The following RELN variants were observed in gnomAD, a reference collection of about 807,000 sequenced individuals.
The protein encoded by RELN is reelin.
In RELN, 108 loss-of-function variants were observed where a neutral mutation model predicts 427.6. The observed-to-expected ratio is 0.25, with a 90% confidence interval of 0.22 to 0.30. RELN has a LOEUF of 0.30. Ranked by LOEUF, RELN falls within the 10% of genes least tolerant of loss-of-function variation. The pLI, the probability that RELN is intolerant of heterozygous loss-of-function variation, is 1.00. For synonymous variants in RELN, 1,524 were observed against 1,513.4 expected (o/e 1.01, Z -0.16); for missense variants, 3,715 against 4,302.8 (o/e 0.86, Z 3.82).
intron 49 of RELN, among the ~76,000 whole-genome samples, chr7:103,518,846 A>G (rs1028486145): frequency 8.6e-5 from 13 of 152,030 alleles, no homozygotes; most frequent in Admixed American, 2.6e-4. Flanking sequence ...ACTTTTTTTA[A>G]AATGACCCAT....
intron 3 of RELN, among the ~76,000 whole-genome samples, chr7:103,784,449 C>T (rs775392210): frequency 7.9e-5 from 12 of 152,192 alleles, no homozygotes; most frequent in South Asian, 2.1e-4. Context: ...ATCCACATTT[C>T]GAAAACTGAA....
chr7:103,742,731 C>T (rs146738257), intron 6 of RELN, among the ~76,000 whole-genome samples: 1,787 of 152,126 alleles, frequency 0.012, 12 homozygotes, highest in Non-Finnish European at 0.017. Flanking sequence ...TAAAAAGAAA[C>T]GAACAAATCC....
At chr7:103,479,276 G>A (rs1244576868) in intron 63 of RELN, among the ~76,000 whole-genome samples, 5 of 152,158 alleles carry the variant, frequency 3.3e-5, no homozygotes, top group Non-Finnish European at 5.9e-5. Context: ...CACCAGCATG[G>A]ATCTTGTGAG....
intron 1 of RELN, among the ~76,000 whole-genome samples, chr7:103,963,083 C>T (rs6950391): frequency 0.53 from 78,992 of 150,452 alleles, 20,949 homozygotes; most frequent in African/African-American, 0.6. Flanking sequence ...TGGAAAGCCT[C>T]GAAACCAGGC....
At chr7:103,481,383 T>C (rs1321055176) in intron 63 of RELN, among the ~76,000 whole-genome samples, 1 of 152,200 alleles carries the variant, frequency 6.6e-6, no homozygotes, top group African/African-American at 2.4e-5. Context: ...AGGAGTTTGG[T>C]AATGCTTTGT....
intron 1 of RELN, among the ~76,000 whole-genome samples, chr7:103,943,310 G>C (rs1387199632): frequency 6.6e-6 from 1 of 152,102 alleles, no homozygotes; most frequent in Non-Finnish European, 1.5e-5. Flanking sequence ...GCTGCCCTGA[G>C]CCGGAAACAC....
intron 20 of RELN, among the ~76,000 whole-genome samples, chr7:103,612,852 C>T (rs1831992795): frequency 6.6e-6 from 1 of 152,066 alleles, no homozygotes; most frequent in Admixed American, 6.6e-5. Flanking sequence ...TGCTCAGGAG[C>T]TTGTAATTTA....
chr7:103,833,669 A>G lies in RELN; in HGVS notation c.341T>C (p.Ile114Thr), dbSNP rs1793329290. ...IGGSSAFGFG[I>T]MSDHQFGNQF... Reference sequence around the variant, plus strand: ...GTTACCAAACTGGTGGTCAGACATGATCCCTAAGAGAAAGGAAGGAGAGTT... The same window carrying G: ...GTTACCAAACTGGTGGTCAGACATGGTCCCTAAGAGAAAGGAAGGAGAGTT... The change falls in exon 3 of 65, where the codon ATC becomes ACC. Residue 114 changes from isoleucine (I) to threonine (T), a missense_variant. By Grantham distance (89) the Ile-to-Thr change is moderately conservative (BLOSUM62 -1). Transcript: ENST00000428762. 1 of 1,613,412 alleles carries G rather than the reference A, an allele frequency of 6.2e-7. No homozygotes were observed. Among genetic ancestry groups the G allele is most frequent in the Non-Finnish European group, 8.5e-7 (1 of 1,179,638 alleles).
At chr7:103,546,042 C>G (rs1314449021) in intron 41 of RELN, among the ~76,000 whole-genome samples, 1 of 152,332 alleles carries the variant, frequency 6.6e-6, no homozygotes, top group Non-Finnish European at 1.5e-5. Flanking sequence ...GTGTACACAT[C>G]AGTGGCATTT....
chr7:103,787,603 A>C (rs982455966), intron 3 of RELN, among the ~76,000 whole-genome samples: 1 of 152,028 alleles, frequency 6.6e-6, no homozygotes. Flanking sequence ...ATAAATTCCT[A>C]GACACATACA....
intron 40 of RELN, among the ~76,000 whole-genome samples, chr7:103,552,551 G>GGAGT (rs1452565503): frequency 1.4e-5 from 2 of 143,710 alleles, no homozygotes; most frequent in Non-Finnish European, 3.0e-5. Context: ...TGCCCAGGCT[G>GGAGT]GAGTGTAGTG....
intron 63 of RELN, 153 bp downstream of exon 63, chr7:103,482,720 T>A: frequency 6.7e-7 from 1 of 1,496,766 alleles, no homozygotes; most frequent in Non-Finnish European, 9.0e-7. Context: ...TGATTTGAGC[T>A]ATAGCTTGCA....
chr7:103,584,004 G>T (rs748985513), intron 28 of RELN, among the ~76,000 whole-genome samples: 2 of 152,202 alleles, frequency 1.3e-5, no homozygotes, highest in Non-Finnish European at 2.9e-5. Flanking sequence ...ACTGCCATAG[G>T]ACTGCATCTT....
chr7:103,654,233 T>C lies in RELN; in HGVS notation c.1442-28A>G, dbSNP rs754552251. ...GCACAAAACAAAAATTTTAAGTTGC[T>C]AGTACCAACTAGCATCCATAAACAT... On this transcript the variant is annotated intron_variant, in intron 12 of 64. Coordinates refer to ENST00000428762, the MANE Select transcript of RELN (RefSeq NM_005045.4). 41 of 1,097,828 alleles carry C rather than the reference T, an allele frequency of 3.7e-5. No homozygotes were observed. The Admixed American group carries it at 6.4e-4, about 17-fold the overall frequency. 68.0% of individuals were successfully genotyped at this position (1,097,828 alleles called of 1,614,324 possible).
chr7:103,845,339 G>A (rs895847946), intron 2 of RELN, among the ~76,000 whole-genome samples: 2 of 151,942 alleles, frequency 1.3e-5, no homozygotes, highest in Admixed American at 6.6e-5. Context: ...GCGTCACCAC[G>A]CCTGGCTAAT....
At position 103,595,352 on chromosome 7, in the gene RELN, A is replaced by G. The variant is rs78084271; in HGVS notation, c.3540-860T>C. Among the ~76,000 whole-genome samples, 119 of 152,210 alleles carry G rather than the reference A, an allele frequency of 7.8e-4. No homozygotes were observed. The South Asian group carries it at 0.012, about 15-fold the overall frequency. ...AGGCTTCATCTCCCACCCTTTTCCT[A>G]TGATATCTCTCGTTTCATCCAGTTG... is the stretch of plus-strand genomic sequence containing the variant. On this transcript the variant is annotated intron_variant, in intron 25 of 64. Transcript: ENST00000428762.
chr7:103,626,852 T>C lies in RELN; in HGVS notation c.2702+3088A>G, dbSNP rs1168140156. On this transcript the variant is annotated intron_variant, in intron 20 of 64. Transcript: ENST00000428762. The surrounding 1 kb of genome is among the most constrained non-coding windows in gnomAD (Gnocchi z 4.4). ...AGTATATGTAAGAGGTTTTAAGGAATATTAGAACCTAAAGCAGACAGAAGT... is the reference window on the plus strand; with the variant it reads ...AGTATATGTAAGAGGTTTTAAGGAACATTAGAACCTAAAGCAGACAGAAGT... 6.6e-6 allele frequency among the ~76,000 whole-genome samples: 1 copy of C among 152,102 alleles called. No homozygotes were observed. Among genetic ancestry groups the C allele is most frequent in the Non-Finnish European group, 1.5e-5 (1 of 67,976 alleles).
At chr7:103,877,846 G>T in intron 2 of RELN, among the ~76,000 whole-genome samples, 1 of 137,438 alleles carries the variant, frequency 7.3e-6, no homozygotes. Flanking sequence ...CCTTTTCTCT[G>T]TCTCTCCCTG....
chr7:103,932,994 G>A (rs10242461), intron 1 of RELN, among the ~76,000 whole-genome samples: 1,994 of 152,252 alleles, frequency 0.013, 39 homozygotes, highest in African/African-American at 0.046. Context: ...AGGCAGAAGT[G>A]TGTTGGTAAA....
Sources: gnomAD v4.1 joint callset for allele counts (sites outside exome capture counted in the v4.1 genomes callset) on GRCh38, gnomAD v4.1.1 for gene constraint, Gnocchi (gnomAD v3.1) non-coding constraint, MANE v1.5 for transcripts, NCBI Gene and HGNC (gene_info 2026-07-23, HGNC 2026-07-21) for gene names.